The following MEF2D variants were observed in gnomAD, a reference collection of about 807,000 sequenced individuals.
The protein encoded by MEF2D is myocyte-specific enhancer factor 2D.
A neutral mutation model predicts 59.3 loss-of-function variants in MEF2D; 10 were observed. The ratio of observed to expected loss-of-function variants is 0.17; its 90% confidence interval spans 0.10 to 0.29. The LOEUF is 0.29. Among genes scored for constraint, MEF2D ranks in the 10% least tolerant of loss-of-function variants. The pLI is 1.00. For synonymous variants in MEF2D, 305 were observed against 295.0 expected (o/e 1.03, Z -0.35); for missense variants, 508 against 699.4 (o/e 0.73, Z 3.09).
At chr1:156,481,196 G>A (rs1671993114) in intron 3 of MEF2D, among the ~76,000 whole-genome samples, 1 of 152,204 alleles carries the variant, frequency 6.6e-6, no homozygotes, top group Non-Finnish European at 1.5e-5. Context: ...GAACAAGGCT[G>A]GAAGGTGAGC....
chr1:156,476,990 C>T (rs1277372273), intron 7 of MEF2D, 22 bp downstream of exon 7: 5 of 1,613,204 alleles, frequency 3.1e-6, no homozygotes, highest in Non-Finnish European at 3.4e-6. Flanking sequence ...AGCCCCCACC[C>T]TTGGCCCAGA....
In MEF2D at chr1:156,467,271, A is replaced by G. The variant is rs1200206737; in HGVS notation, c.*374T>C. The G allele has an allele frequency of 1.3e-5, 2 of 152,406 alleles. No individual in the cohort carries two copies. The highest frequency in any genetic ancestry group is 2.4e-5 in the African/African-American group (1 of 41,252). The allele number at this position is 152,406 out of a possible 1,614,324, so 9.4% of individuals were successfully genotyped here. On this transcript the variant is annotated 3_prime_UTR_variant, in exon 12 of 12. Transcript: ENST00000348159. ...TGGGGGTGGGGTGGGAGGGCTCCAC[A>G]TGCAGGGCTCGGCACCTGTCCTTTC...
intron 1 of MEF2D, among the ~76,000 whole-genome samples, chr1:156,490,054 A>G (rs1046701526): frequency 1.3e-5 from 2 of 152,228 alleles, no homozygotes; most frequent in African/African-American, 4.8e-5. Context: ...GTCCAGGATC[A>G]TTCTGTGGTT....
chr1:156,485,668 T>C (rs1184485419), intron 1 of MEF2D, among the ~76,000 whole-genome samples: 4 of 151,344 alleles, frequency 2.6e-5, no homozygotes, highest in Admixed American at 2.6e-4. Context: ...TACAGGTGTA[T>C]GCCACCACAC....
At chr1:156,481,660 G>C (rs1166534301) in intron 3 of MEF2D, among the ~76,000 whole-genome samples, 1 of 152,208 alleles carries the variant, frequency 6.6e-6, no homozygotes, top group East Asian at 1.9e-4. Context: ...TTACCTTCTA[G>C]TCTAGAGTAA....
Position 156,468,207 on chromosome 1 carries a change from C to T in MEF2D, c.1340G>A (p.Arg447His), listed in dbSNP as rs558790210. The change falls in exon 11 of 12, where the codon CGT becomes CAT. Residue 447 changes from arginine to histidine, a missense_variant. Arg to His is a conservative substitution (Grantham distance 29). This residue lies in a region of MEF2D where 481 missense variants were observed against 584.7 expected (regional missense o/e 0.82). Coordinates refer to ENST00000348159, the MANE Select transcript of MEF2D (RefSeq NM_005920.4). The surrounding 1 kb of genome is among the most constrained non-coding windows in gnomAD (Gnocchi z 4.3). ...SIKSEPVSPS[R>H]ERSPAPPPPA... The stretch of plus-strand genomic sequence containing the variant: ...AGGGGGAGGCGCAGGGCTGCGCTCA[C>T]GGCTTGGGGACACCGGTTCTGACTT... The T allele has an allele frequency of 4.7e-5, 75 of 1,612,648 alleles. 1 individual carries two copies. Among genetic ancestry groups the T allele is most frequent in the South Asian group, 9.9e-5 (9 of 90,926 alleles).
Position 156,467,474 on chromosome 1 carries a change from T to A in MEF2D, c.*171A>T. The A allele has an allele frequency of 3.3e-6, 1 of 302,838 alleles. No homozygotes were observed. The allele number at this position is 302,838 out of a possible 1,614,324, so 18.8% of individuals were successfully genotyped here. A position where few individuals can be genotyped will look rare whatever the true frequency, so the allele number is the denominator to read the frequency against. On this transcript the variant is annotated 3_prime_UTR_variant, in exon 12 of 12. Transcript: ENST00000348159. ...GCGAGAATCCAAATTAAAAAAAATA[T>A]AATAATAATAATAATAATATAATAA...
At chr1:156,473,863 G>C (rs898316473) in intron 9 of MEF2D, among the ~76,000 whole-genome samples, 1 of 152,096 alleles carries the variant, frequency 6.6e-6, no homozygotes, top group African/African-American at 2.4e-5. Flanking sequence ...GAGGAGAGAC[G>C]CTGTTCTTCC....
In MEF2D at chr1:156,474,553, G is replaced by A. The variant is rs190808808; in HGVS notation, c.1006+555C>T. 1.6e-4 allele frequency among the ~76,000 whole-genome samples: 25 copies of A among 152,312 alleles called. 1 individual carries two copies. In the East Asian group the frequency reaches 3.5e-3, roughly 21 times the overall value. ...TATGTCTTTGGTGCTGGGCACAGTC[G>A]GTAACACAGCACTTTGGGAGACTGA... is the stretch of plus-strand genomic sequence containing the variant. On this transcript the variant is annotated intron_variant, in intron 9 of 11. Coordinates refer to ENST00000348159, the MANE Select transcript of MEF2D (RefSeq NM_005920.4).
At chr1:156,480,797 A>AG (rs745744915) in intron 4 of MEF2D, 37 bp downstream of exon 4, 10 of 1,589,598 alleles carry the variant, frequency 6.3e-6, no homozygotes, top group African/African-American at 1.4e-5. Flanking sequence ...AGGGGCCGGA[A>AG]GGGGGGGCCA....
chr1:156,491,147 G>A (rs1245809474), intron 1 of MEF2D, among the ~76,000 whole-genome samples: 1 of 152,224 alleles, frequency 6.6e-6, no homozygotes, highest in Middle Eastern at 3.2e-3. Context: ...GCAATGAACA[G>A]CTTAGGGAAA....
rs1159843927 is a variant in MEF2D at position 156,467,560 on chromosome 1, C to T, written c.*85G>A. On this transcript the variant is annotated 3_prime_UTR_variant, in exon 12 of 12. Transcript: ENST00000348159. ...CACAAGAAAGGAAGTGGGGGTCGAG[C>T]GGGAGGAGCCCGGGGCAGGGAAGGG... 25 of 1,137,952 alleles carry T rather than the reference C, an allele frequency of 2.2e-5. No individual in the cohort carries two copies. The highest frequency in any genetic ancestry group is 1.2e-4 in the Admixed American group (4 of 32,522). 70.5% of individuals were successfully genotyped at this position (1,137,952 alleles called of 1,614,324 possible).
At chr1:156,477,874 AATAACAAATGTAATAACTATCTTTT>A (rs1439856363) in intron 6 of MEF2D, among the ~76,000 whole-genome samples, 1 of 152,252 alleles carries the variant, frequency 6.6e-6, no homozygotes, top group Non-Finnish European at 1.5e-5. Flanking sequence ...TTAGCCTGGT[AATAACAAATGTAATAACTATCTTTT>A]ATATCTGCTC....
At chr1:156,470,181 C>T (rs2101997462) in intron 9 of MEF2D, among the ~76,000 whole-genome samples, 1 of 152,300 alleles carries the variant, frequency 6.6e-6, no homozygotes, top group East Asian at 1.9e-4. Context: ...ATGCTGTATC[C>T]TGTTTGGGAC....
intron 8 of MEF2D, among the ~76,000 whole-genome samples, 158 bp from the exon 9 acceptor site, chr1:156,475,395 A>G (rs938998380): frequency 6.6e-6 from 1 of 152,230 alleles, no homozygotes; most frequent in African/African-American, 2.4e-5. Context: ...ACGTTGGTGC[A>G]TTCACAGAGA....
At chr1:156,486,696 G>A (rs1672388560) in intron 1 of MEF2D, among the ~76,000 whole-genome samples, 1 of 152,172 alleles carries the variant, frequency 6.6e-6, no homozygotes, top group Non-Finnish European at 1.5e-5. Flanking sequence ...TCACAATTGT[G>A]AATAACTATG....
chr1:156,477,931 GC>G (rs1298113539), intron 6 of MEF2D, among the ~76,000 whole-genome samples: 1 of 152,198 alleles, frequency 6.6e-6, no homozygotes, highest in East Asian at 1.9e-4. Flanking sequence ...ATCCACACAG[GC>G]CTTTCACACA....
intron 6 of MEF2D, 89 bp from the exon 7 acceptor site, chr1:156,477,291 C>G: frequency 8.6e-7 from 1 of 1,168,616 alleles, no homozygotes; most frequent in East Asian, 2.5e-5. Context: ...CTCCTGTTAC[C>G]CGGAACCTCT....
At position 156,465,754 on chromosome 1, in the gene MEF2D, C is replaced by G. The variant is rs530717368; in HGVS notation, c.*1891G>C. On this transcript the variant is annotated 3_prime_UTR_variant, in exon 12 of 12. Coordinates refer to ENST00000348159, the MANE Select transcript of MEF2D (RefSeq NM_005920.4). ...CACCAGATGCCCTCATGAACACACT[C>G]AGGTACACGTGTGTACCTGCGTAGA... 1 of 152,334 alleles carries G rather than the reference C, an allele frequency of 6.6e-6. No individual in the cohort carries two copies. The highest frequency in any genetic ancestry group is 1.9e-4 in the East Asian group (1 of 5,184). The allele number at this position is 152,334 out of a possible 1,614,324, so 9.4% of individuals were successfully genotyped here.
Sources: allele counts gnomAD v4.1 joint callset (sites outside exome capture counted in the v4.1 genomes callset), GRCh38; gene constraint gnomAD v4.1.1; regional missense constraint gnomAD v4.1.1; non-coding constraint Gnocchi (gnomAD v3.1); transcripts MANE v1.5; gene names NCBI Gene and HGNC (gene_info 2026-07-23, HGNC 2026-07-21).